RGS7: variants seen among roughly 807,000 people sequenced by gnomAD.
RGS7 encodes regulator of G protein signaling 7, also known as regulator of G-protein signaling 7.
Under a neutral mutation model 81.1 loss-of-function variants are expected in RGS7, and 27 were observed. That is an observed-to-expected ratio of 0.33 (90% CI 0.25 to 0.46). The LOEUF (loss-of-function observed/expected upper bound fraction) is 0.46, where lower values mean the gene tolerates loss of function less well. RGS7 is among the 20% of genes least tolerant of loss of function. RGS7 has a pLI of 1.00. For missense variants in RGS7, 396 were observed against 607.4 expected (o/e 0.65, Z 3.66); for synonymous variants, 208 against 207.7 (o/e 1.00, Z -0.01).
chr1:241,250,234 T>C (rs2076763552), intron 2 of RGS7, among the ~76,000 whole-genome samples: 1 of 152,168 alleles, frequency 6.6e-6, no homozygotes, highest in Non-Finnish European at 1.5e-5. Context: ...CCTTTTCTAT[T>C]TAATATTTAA....
intron 18 of RGS7, among the ~76,000 whole-genome samples, chr1:240,792,000 A>G (rs1686090197): frequency 6.6e-6 from 1 of 152,234 alleles, no homozygotes; most frequent in Admixed American, 6.5e-5. Context: ...TGCTAAGATT[A>G]CATTACATAG....
At chr1:241,108,185 T>C (rs1328796567) in intron 2 of RGS7, among the ~76,000 whole-genome samples, 1 of 150,574 alleles carries the variant, frequency 6.6e-6, no homozygotes, top group African/African-American at 2.5e-5. Context: ...GCGCCTGTAA[T>C]CCCAGCTATC....
chr1:241,150,375 C>T (rs2068656636), intron 2 of RGS7, among the ~76,000 whole-genome samples: 1 of 152,070 alleles, frequency 6.6e-6, no homozygotes, highest in Admixed American at 6.6e-5. Flanking sequence ...CTCAGTTTTG[C>T]CTAAGGCCCC....
At chr1:241,030,536 T>C (rs1026705) in intron 3 of RGS7, among the ~76,000 whole-genome samples, 36,943 of 143,696 alleles carry the variant, frequency 0.26, 5,402 homozygotes, top group Non-Finnish European at 0.34. Context: ...CCTTCTTTGA[T>C]GGCTCCACTT....
intron 3 of RGS7, among the ~76,000 whole-genome samples, chr1:240,986,563 C>A: frequency 5.2e-5 from 1 of 19,122 alleles, no homozygotes. Context: ...AATTTAAACA[C>A]CACTATTATT....
intron 6 of RGS7, among the ~76,000 whole-genome samples, chr1:240,916,318 C>T (rs937486091): frequency 3.4e-5 from 5 of 147,894 alleles, no homozygotes; most frequent in Non-Finnish European, 6.0e-5. Flanking sequence ...GAGGACAGAA[C>T]AGAATGTCTA....
chr1:240,973,262 G>A (rs1463032933), intron 4 of RGS7, among the ~76,000 whole-genome samples: 1 of 152,134 alleles, frequency 6.6e-6, no homozygotes, highest in Non-Finnish European at 1.5e-5. Context: ...GCTCACGCCT[G>A]TATTCCAGCG....
At chr1:240,920,266 G>C in intron 6 of RGS7, 7 of 1,285,812 alleles carry the variant, frequency 5.4e-6, no homozygotes, top group Non-Finnish European at 7.8e-6. Context: ...GGTGGTGATC[G>C]TGGTGGTGGT....
intron 2 of RGS7, among the ~76,000 whole-genome samples, chr1:241,331,089 C>G (rs952315802): frequency 6.6e-6 from 1 of 152,140 alleles, no homozygotes; most frequent in African/African-American, 2.4e-5. Flanking sequence ...CAGCAAATGT[C>G]AAAAGCCAAC....
At chr1:241,205,660 C>G (rs1453212281) in intron 2 of RGS7, among the ~76,000 whole-genome samples, 1 of 151,812 alleles carries the variant, frequency 6.6e-6, no homozygotes, top group Non-Finnish European at 1.5e-5. Context: ...AGAGTTTCAC[C>G]ATCTTGCCCA....
At chr1:241,128,690 C>A (rs984922900) in intron 2 of RGS7, among the ~76,000 whole-genome samples, 9 of 147,482 alleles carry the variant, frequency 6.1e-5, no homozygotes, top group African/African-American at 2.3e-4. Flanking sequence ...TAATTTACAT[C>A]TCTATAAAAT....
chr1:240,835,688 A>G (rs1482418312), intron 9 of RGS7, among the ~76,000 whole-genome samples: 1 of 152,190 alleles, frequency 6.6e-6, no homozygotes, highest in Admixed American at 6.5e-5. Flanking sequence ...AGCAACCAAG[A>G]TGTCCTTTAG....
At chr1:241,195,795 AAG>A (rs933786344) in intron 2 of RGS7, among the ~76,000 whole-genome samples, 3 of 152,042 alleles carry the variant, frequency 2.0e-5, no homozygotes, top group African/African-American at 7.2e-5. Flanking sequence ...TTGAGAACAA[AAG>A]AGGGAGAAAA....
chr1:241,326,357 A>G (rs1406051882), intron 2 of RGS7, among the ~76,000 whole-genome samples: 1 of 152,168 alleles, frequency 6.6e-6, no homozygotes, highest in South Asian at 2.1e-4. Context: ...TGCTCTAAAT[A>G]ACCTCCTCTT....
intron 2 of RGS7, among the ~76,000 whole-genome samples, chr1:241,156,132 T>TAGATA (rs199745641): frequency 0.011 from 1,657 of 147,014 alleles, 25 homozygotes; most frequent in East Asian, 0.066. Flanking sequence ...AGATAAATGA[T>TAGATA]GATAGATAGA....
chr1:240,974,876 C>T (rs1410162698), intron 4 of RGS7, among the ~76,000 whole-genome samples: 2 of 150,798 alleles, frequency 1.3e-5, no homozygotes, highest in Admixed American at 6.6e-5. Context: ...TATCACAAAA[C>T]ATGGTATTAA....
intron 2 of RGS7, among the ~76,000 whole-genome samples, chr1:241,155,495 C>T (rs1338661591): frequency 7.1e-6 from 1 of 141,708 alleles, no homozygotes; most frequent in African/African-American, 2.6e-5. Context: ...TTTTAGGGAT[C>T]AATGAAAGGC....
At chr1:240,780,419 T>C (rs1683785709) in intron 18 of RGS7, among the ~76,000 whole-genome samples, 1 of 116,850 alleles carries the variant, frequency 8.6e-6, no homozygotes, top group Admixed American at 1.2e-4. Flanking sequence ...CAGCCTGGGC[T>C]ACAGAGTGAG....
rs1663839293 is a variant in RGS7 at position 240,868,323 on chromosome 1, C to T, written c.609+264G>A. ...CAGTAGTTTTTCTTTCAAATGTATACAGAAGCATCAGATACCTTCAAATAG... is the reference window on the plus strand; with the variant it reads ...CAGTAGTTTTTCTTTCAAATGTATATAGAAGCATCAGATACCTTCAAATAG... On this transcript the variant is annotated intron_variant, in intron 9 of 18. Transcript: ENST00000440928. This position sits in a 1 kb window ranked among gnomAD's most constrained non-coding sequence, Gnocchi z 5.1. 6.6e-6 allele frequency among the ~76,000 whole-genome samples: 1 copy of T among 152,084 alleles called. No homozygotes were observed. The highest frequency in any genetic ancestry group is 2.1e-4 in the South Asian group (1 of 4,824).
Sources: allele counts gnomAD v4.1 joint callset (sites outside exome capture counted in the v4.1 genomes callset), GRCh38; gene constraint gnomAD v4.1.1; non-coding constraint Gnocchi (gnomAD v3.1); transcripts MANE v1.5; gene names NCBI Gene and HGNC (gene_info 2026-07-23, HGNC 2026-07-21).